SORBS2: variants seen among roughly 807,000 people sequenced by gnomAD.
SORBS2 encodes the protein sorbin and SH3 domain-containing protein 2.
In SORBS2, 46 loss-of-function variants were observed where a neutral mutation model predicts 97.7. The observed-to-expected ratio is 0.47, with a 90% CI of 0.37 to 0.60. The LOEUF is 0.60. Ranked by LOEUF, SORBS2 falls within the 20% of genes least tolerant of loss-of-function variation. SORBS2 has a pLI of 0.00. For missense variants in SORBS2, 1,316 were observed against 1,282.3 expected, an observed-to-expected ratio of 1.03 and a Z score of -0.40; for synonymous variants, 476 against 473.4, an observed-to-expected ratio of 1.01 and a Z score of -0.07.
chr4:185,883,841 G>T (rs1195080664), intron 1 of SORBS2, among the ~76,000 whole-genome samples: 1 of 152,114 alleles, frequency 6.6e-6, no homozygotes, highest in Non-Finnish European at 1.5e-5. Context: ...GAGCAAGACC[G>T]TATATCTAAA....
intron 1 of SORBS2, among the ~76,000 whole-genome samples, chr4:185,785,997 G>A (rs977003375): frequency 2.0e-5 from 3 of 151,778 alleles, no homozygotes; most frequent in Non-Finnish European, 4.4e-5. Flanking sequence ...TACATTACAC[G>A]GAAAAAAATT....
chr4:185,825,526 A>G (rs989170057), intron 1 of SORBS2, among the ~76,000 whole-genome samples: 1 of 152,236 alleles, frequency 6.6e-6, no homozygotes, highest in African/African-American at 2.4e-5. Context: ...TATTTGGATC[A>G]GATTCCTGAA....
intron 1 of SORBS2, among the ~76,000 whole-genome samples, chr4:185,781,827 G>A (rs1324900585): frequency 5.9e-5 from 9 of 152,358 alleles, no homozygotes; most frequent in Admixed American, 1.3e-4. Context: ...CAGCTTTCAC[G>A]TGTCTCTTCC....
chr4:185,651,875 A>G lies in SORBS2; in HGVS notation c.91+787T>C, dbSNP rs1215365514. 9 of 933,780 alleles carry G rather than the reference A, an allele frequency of 9.6e-6. No homozygotes were observed. The African/African-American group carries it at 1.2e-4, about 12-fold the overall frequency. The allele number at this position is 933,780 out of a possible 1,614,324, so 57.8% of individuals were successfully genotyped here. On this transcript the variant is annotated intron_variant, in intron 2 of 14. Transcript: ENST00000418609. The stretch of plus-strand genomic sequence containing the variant: ...TTATGGTAATATAGATTGTCACCAA[A>G]GGACAACGAGACAGCAGAACTTCAG...
At chr4:185,801,688 CTCTG>C (rs148851161) in intron 1 of SORBS2, among the ~76,000 whole-genome samples, 135 of 148,140 alleles carry the variant, frequency 9.1e-4, no homozygotes, top group South Asian at 1.1e-3. Flanking sequence ...CTCTCTCTCT[CTCTG>C]TGTGTGATGC....
At chr4:185,677,218 C>T (rs1438562032) in intron 4 of SORBS2, 2 of 1,551,656 alleles carry the variant, frequency 1.3e-6, no homozygotes, top group Non-Finnish European at 1.7e-6. Flanking sequence ...AATGACGGTA[C>T]TTCGACAGAT....
chr4:185,614,025 C>T (rs10025265), intron 11 of SORBS2, among the ~76,000 whole-genome samples: 53,639 of 151,956 alleles, frequency 0.35, 11,471 homozygotes, highest in African/African-American at 0.6. Flanking sequence ...ATTACTACCT[C>T]GCCTGTGTTG....
intron 4 of SORBS2, among the ~76,000 whole-genome samples, chr4:185,644,766 A>G (rs1415269876): frequency 1.3e-5 from 2 of 152,206 alleles, no homozygotes; most frequent in Non-Finnish European, 2.9e-5. Flanking sequence ...TGCTATTGCT[A>G]TTATTATTGC....
At chr4:185,732,745 T>A (rs1357763735) in intron 2 of SORBS2, among the ~76,000 whole-genome samples, 1 of 152,238 alleles carries the variant, frequency 6.6e-6, no homozygotes, top group Admixed American at 6.5e-5. Flanking sequence ...CAAAAAGGTA[T>A]GTTGAAGTCC....
chr4:185,651,816 T>C (rs751624595), intron 2 of SORBS2: 1 of 1,483,562 alleles, frequency 6.7e-7, no homozygotes, highest in Non-Finnish European at 9.4e-7. Flanking sequence ...ATTATACATG[T>C]CTGTGTCATC....
At chr4:185,822,540 T>C (rs1231949242) in intron 1 of SORBS2, among the ~76,000 whole-genome samples, 1 of 152,236 alleles carries the variant, frequency 6.6e-6, no homozygotes, top group African/African-American at 2.4e-5. Flanking sequence ...GTTTCTGGGA[T>C]ATTAGAAAAG....
At chr4:185,659,516 A>C (rs2097477682), upstream of SORBS2, among the ~76,000 whole-genome samples, 1 of 151,820 alleles carries the variant, frequency 6.6e-6, no homozygotes, top group Admixed American at 6.6e-5. Context: ...TCCTGGGTTC[A>C]CGCCGTTCTC....
intron 1 of SORBS2, among the ~76,000 whole-genome samples, chr4:185,922,598 T>C (rs1366199198): frequency 3.3e-5 from 5 of 152,222 alleles, no homozygotes; most frequent in Admixed American, 3.3e-4. Context: ...GCTTTCCTTC[T>C]TGTTTTATCA....
intron 13 of SORBS2, among the ~76,000 whole-genome samples, chr4:185,590,871 T>C (rs937970881): frequency 9.9e-5 from 15 of 152,280 alleles, no homozygotes; most frequent in African/African-American, 3.4e-4. Flanking sequence ...GTGAGGGGGT[T>C]TTTAAAAATT....
intron 1 of SORBS2, among the ~76,000 whole-genome samples, chr4:185,939,790 A>G (rs1353601284): frequency 6.6e-6 from 1 of 152,144 alleles, no homozygotes; most frequent in African/African-American, 2.4e-5. Context: ...GATTACAGGC[A>G]TGAGCTACCA....
intron 1 of SORBS2, among the ~76,000 whole-genome samples, chr4:185,884,369 G>A (rs762152860): frequency 3.9e-5 from 6 of 152,028 alleles, no homozygotes; most frequent in Admixed American, 3.3e-4. Context: ...TTTATAGTAG[G>A]GTGATTGGGA....
At chr4:185,660,667 C>A (rs1430440916), upstream of SORBS2, among the ~76,000 whole-genome samples, 1 of 152,144 alleles carries the variant, frequency 6.6e-6, no homozygotes, top group African/African-American at 2.4e-5. Context: ...AGCATCATAG[C>A]CTCTCAATAC....
intron 2 of SORBS2, among the ~76,000 whole-genome samples, chr4:185,652,394 C>T (rs144318553): frequency 2.0e-5 from 3 of 152,292 alleles, no homozygotes; most frequent in African/African-American, 7.2e-5. Flanking sequence ...CCAATTTAGA[C>T]TGTGGACAGG....
At chr4:185,738,999 C>A (rs1225729005) in intron 2 of SORBS2, among the ~76,000 whole-genome samples, 1 of 152,228 alleles carries the variant, frequency 6.6e-6, no homozygotes, top group Admixed American at 6.5e-5. Context: ...GTTCAGCTGT[C>A]AGGGATTCAA....
Sources: allele counts gnomAD v4.1 joint callset (sites outside exome capture counted in the v4.1 genomes callset), GRCh38; gene constraint gnomAD v4.1.1; transcripts MANE v1.5; gene names NCBI Gene and HGNC (gene_info 2026-07-23, HGNC 2026-07-21).